ITGB8: variants seen among roughly 807,000 people sequenced by gnomAD.
ITGB8 encodes the protein integrin beta-8.
A neutral mutation model predicts 89.5 loss-of-function variants in ITGB8; 30 were observed. The ratio of observed to expected loss-of-function variants is 0.34; its 90% confidence interval spans 0.25 to 0.45. The LOEUF (loss-of-function observed/expected upper bound fraction) is 0.45. ITGB8 is among the 20% of genes least tolerant of loss of function. The probability of loss-of-function intolerance (pLI) is 1.00; values close to 1 mark genes in which losing one functional copy is unlikely to be tolerated. For missense variants in ITGB8, 836 were observed against 933.3 expected (o/e 0.90, Z 1.36); for synonymous variants, 335 against 320.4 (o/e 1.05, Z -0.49).
Position 20,412,180 on chromosome 7 carries a change from G to A in ITGB8, c.*2183G>A, listed in dbSNP as rs1296184263. 1.3e-5 allele frequency: 2 copies of A among 152,586 alleles called. No individual in the cohort carries two copies. The highest frequency in any genetic ancestry group is 2.4e-5 in the African/African-American group (1 of 41,440). The allele number at this position is 152,586 out of a possible 1,614,324, so 9.5% of individuals were successfully genotyped here. A position where few individuals can be genotyped will look rare whatever the true frequency, so the allele number is the denominator to read the frequency against. ...TGTTCTGGAGCCAATAAACACAGCA[G>A]CTCTGTTAGATGTCCTCTACAGCCA... On this transcript the variant is annotated 3_prime_UTR_variant, in exon 14 of 14. Coordinates refer to ENST00000222573, the MANE Select transcript of ITGB8 (RefSeq NM_002214.3).
intron 1 of ITGB8, among the ~76,000 whole-genome samples, chr7:20,358,982 G>A (rs1785399038): frequency 6.6e-6 from 1 of 152,178 alleles, no homozygotes; most frequent in African/African-American, 2.4e-5. Context: ...CTGTTTCTGA[G>A]TTAATTTGGT....
rs1466401986 is a variant in ITGB8, at chr7:20,410,165, A to G, written c.*168A>G. The G allele has an allele frequency of 1.2e-5, 8 of 653,142 alleles. No homozygotes were observed. Among genetic ancestry groups the G allele is most frequent in the Non-Finnish European group, 2.1e-5 (8 of 382,536 alleles). The allele number at this position is 653,142 out of a possible 1,614,324, so 40.5% of individuals were successfully genotyped here. ...GTATCCTCATCATGATGTGACTCAC[A>G]TAGCTGCTGACTTTTTCAGAGAAAA... On this transcript the variant is annotated 3_prime_UTR_variant, in exon 14 of 14. Transcript: ENST00000222573.
chr7:20,363,728 C>T lies in ITGB8; in HGVS notation c.213+6C>T. On this transcript the variant is annotated splice_donor_region_variant and intron_variant, in intron 2 of 13. Coordinates refer to ENST00000222573, the MANE Select transcript of ITGB8 (RefSeq NM_002214.3). Reference sequence around the variant, plus strand: ...GTGGATGGTGTGTTCAAGAGGTGTGCCATTTTTTTTTTTCTTTTTCTCATG... The same window carrying T: ...GTGGATGGTGTGTTCAAGAGGTGTGTCATTTTTTTTTTTCTTTTTCTCATG... 6.8e-7 allele frequency: 1 copy of T among 1,467,732 alleles called. No homozygotes were observed. The highest frequency in any genetic ancestry group is 1.3e-5 in the South Asian group (1 of 78,570). 90.9% of individuals were successfully genotyped at this position (1,467,732 alleles called of 1,614,324 possible). A position where few individuals can be genotyped will look rare whatever the true frequency, so the allele number is the denominator to read the frequency against.
At chr7:20,336,064 G>T (rs1178921146) in intron 1 of ITGB8, among the ~76,000 whole-genome samples, 1 of 134,282 alleles carries the variant, frequency 7.4e-6, no homozygotes, top group Non-Finnish European at 1.5e-5. Flanking sequence ...GGAGTGCAGT[G>T]GTGCGATCTC....
At chr7:20,365,190 AGTT>A (rs1785646727) in intron 2 of ITGB8, 2 of 152,298 alleles carry the variant, frequency 1.3e-5, no homozygotes, top group Non-Finnish European at 1.5e-5. Context: ...CGGAGGAATC[AGTT>A]GTCTGATAGA....
At chr7:20,391,542 G>T (rs756242069) in intron 7 of ITGB8, 44 bp downstream of exon 7, 12 of 1,031,818 alleles carry the variant, frequency 1.2e-5, no homozygotes, top group Middle Eastern at 2.2e-4. Flanking sequence ...TTTTTCATTG[G>T]TAATTGAAAT....
chr7:20,344,446 G>GTACA (rs1784857298), intron 1 of ITGB8, among the ~76,000 whole-genome samples: 2 of 152,320 alleles, frequency 1.3e-5, no homozygotes, highest in Admixed American at 1.3e-4. Context: ...AATCCAGGCT[G>GTACA]TGTCTCCAAT....
At chr7:20,351,498 G>C (rs1044059568) in intron 1 of ITGB8, among the ~76,000 whole-genome samples, 2 of 152,156 alleles carry the variant, frequency 1.3e-5, no homozygotes, top group Non-Finnish European at 2.9e-5. Flanking sequence ...TTGGCATAGG[G>C]CCAACACAGT....
intron 8 of ITGB8, among the ~76,000 whole-genome samples, 182 bp from the exon 9 acceptor site, chr7:20,398,678 T>C (rs1294829976): frequency 6.6e-6 from 1 of 152,364 alleles, no homozygotes; most frequent in East Asian, 1.9e-4. Flanking sequence ...CAGTATTTCT[T>C]ATGTATTTCA....
Position 20,367,037 on chromosome 7 carries a change from G to C in ITGB8, c.239G>C (p.Ser80Thr). Residue 80 changes from serine (S) to threonine (T), a missense_variant, in exon 3 of 14, where the codon AGT becomes ACT. Transcript: ENST00000222573. ...GATTTCATTTCAGGTGGATCAAGAA[G>C]TGAACGTTGTGATATTGTTTCCAAT... ...QEDFISGGSRSERCDIVSNLI... is the reference protein window; with the variant it reads ...QEDFISGGSRTERCDIVSNLI... 2 of 1,611,268 alleles carry C rather than the reference G, an allele frequency of 1.2e-6. No individual in the cohort carries two copies. The highest frequency in any genetic ancestry group is 1.7e-6 in the Non-Finnish European group (2 of 1,179,108).
At chr7:20,399,282 G>A (rs748698072) in intron 9 of ITGB8, among the ~76,000 whole-genome samples, 1 of 152,046 alleles carries the variant, frequency 6.6e-6, no homozygotes, top group Non-Finnish European at 1.5e-5. Context: ...GTCATGACCG[G>A]TATAAATTAG....
intron 1 of ITGB8, among the ~76,000 whole-genome samples, chr7:20,360,525 A>G (rs1262373059): frequency 6.6e-6 from 1 of 151,886 alleles, no homozygotes; most frequent in Non-Finnish European, 1.5e-5. Flanking sequence ...TGAGTTTCCA[A>G]TGTCCATTAA....
intron 3 of ITGB8, among the ~76,000 whole-genome samples, chr7:20,367,965 T>G (rs535462867): frequency 6.6e-6 from 1 of 152,314 alleles, no homozygotes; most frequent in African/African-American, 2.4e-5. Context: ...TGCATGTAGT[T>G]TAACGCAGTT....
intron 8 of ITGB8, 36 bp downstream of exon 8, chr7:20,395,021 T>A: frequency 7.8e-7 from 1 of 1,274,068 alleles, no homozygotes. Context: ...TTAAATAAAA[T>A]TTTTACCTCA....
At chr7:20,355,874 T>C (rs868431265) in intron 1 of ITGB8, among the ~76,000 whole-genome samples, 3 of 152,220 alleles carry the variant, frequency 2.0e-5, no homozygotes, top group Non-Finnish European at 2.9e-5. Context: ...ATGAGCACAG[T>C]TTAAATAAGC....
In ITGB8 at chr7:20,357,582, G is replaced by A. The variant is rs143556833; in HGVS notation, c.128-6055G>A. On this transcript the variant is annotated intron_variant, in intron 1 of 13. Transcript: ENST00000222573. ...ATGACATTACAACAGTTTCTTTATC[G>A]AATGCCTACTATGCCGTGAGCACTC... 1.4e-4 allele frequency among the ~76,000 whole-genome samples: 22 copies of A among 152,130 alleles called. No individual in the cohort carries two copies. In the East Asian group the frequency reaches 4.3e-3, roughly 29 times the overall value.
chr7:20,405,128 G>A (rs1787481784), intron 11 of ITGB8, among the ~76,000 whole-genome samples: 1 of 151,132 alleles, frequency 6.6e-6, no homozygotes, highest in Admixed American at 6.6e-5. Flanking sequence ...GTAAGCGTGT[G>A]ATCTCGGACA....
At chr7:20,359,869 C>T (rs1169249284) in intron 1 of ITGB8, among the ~76,000 whole-genome samples, 1 of 152,206 alleles carries the variant, frequency 6.6e-6, no homozygotes, top group Admixed American at 6.5e-5. Context: ...GTGTATCTGG[C>T]ATGTCTTCTG....
rs1787689190 is a variant in ITGB8 at position 20,409,735 on chromosome 7, A to C, written c.2144A>C (p.Lys715Thr). The C allele has an allele frequency of 6.2e-7, 1 of 1,612,802 alleles. No homozygotes were observed. The highest frequency in any genetic ancestry group is 8.5e-7 in the Non-Finnish European group (1 of 1,179,260). Reference sequence around the variant, plus strand: ...GTGATACTACAATGGAATAGTAATAAAATTAAGTCCTCATCAGATTACAGA... The same window carrying C: ...GTGATACTACAATGGAATAGTAATACAATTAAGTCCTCATCAGATTACAGA... The part of the protein sequence containing the change: ...RQVILQWNSN[K>T]IKSSSDYRVS... The change falls in exon 13 of 14, where the codon AAA becomes ACA. Residue 715 changes from lysine to threonine, a missense_variant. Physicochemically the swap from Lys to Thr is moderately conservative, Grantham distance 78 (BLOSUM62 -1). This residue lies in a region of ITGB8 where 422 missense variants were observed against 416.9 expected (regional missense o/e 1.01). Coordinates refer to ENST00000222573, the MANE Select transcript of ITGB8 (RefSeq NM_002214.3).
Sources: gnomAD v4.1 joint callset for allele counts (sites outside exome capture counted in the v4.1 genomes callset) on GRCh38, gnomAD v4.1.1 for gene constraint, gnomAD v4.1.1 regional missense constraint, MANE v1.5 for transcripts, NCBI Gene and HGNC (gene_info 2026-07-23, HGNC 2026-07-21) for gene names.